The following THADA variants were observed in gnomAD, a reference collection of about 807,000 sequenced individuals.
THADA encodes THADA armadillo repeat containing.
THADA carries 213 observed loss-of-function variants against 219.8 expected under a neutral mutation model. The ratio of observed to expected loss-of-function variants is 0.97; its 90% confidence interval spans 0.87 to 1.09. THADA has a LOEUF of 1.09. Ranked by LOEUF, THADA falls within the 50% of genes least tolerant of loss-of-function variation. The pLI is 0.00. For missense variants in THADA, 2,956 were observed against 2,311.3 expected (o/e 1.28, Z -5.72); for synonymous variants, 1,018 against 828.9 (o/e 1.23, Z -3.92).
intron 30 of THADA, among the ~76,000 whole-genome samples, chr2:43,335,696 T>A (rs943469484): frequency 6.6e-6 from 1 of 151,644 alleles, no homozygotes; most frequent in African/African-American, 2.4e-5. Context: ...TGGTGGCTCA[T>A]GTCTGTAATG....
intron 18 of THADA, 25 bp from the exon 19 acceptor site, chr2:43,551,950 T>G (rs1558957633): frequency 6.3e-7 from 1 of 1,586,252 alleles, no homozygotes; most frequent in East Asian, 2.2e-5. Flanking sequence ...TTAGGGAAAT[T>G]TATACTAAAA....
At chr2:43,448,466 A>G (rs1363346376) in intron 26 of THADA, among the ~76,000 whole-genome samples, 1 of 151,182 alleles carries the variant, frequency 6.6e-6, no homozygotes, top group African/African-American at 2.4e-5. Flanking sequence ...GCAGGCAGCC[A>G]TTGTTGCAAC....
chr2:43,530,348 A>C (rs892469178), intron 21 of THADA, among the ~76,000 whole-genome samples: 6 of 152,334 alleles, frequency 3.9e-5, no homozygotes, highest in Non-Finnish European at 7.3e-5. Flanking sequence ...GTTTGAACAG[A>C]ATTATCAAGG....
intron 36 of THADA, among the ~76,000 whole-genome samples, chr2:43,244,072 G>C (rs1668884363): frequency 6.6e-6 from 1 of 151,984 alleles, no homozygotes; most frequent in South Asian, 2.1e-4. Flanking sequence ...TATTTTTAAA[G>C]TTAAAATAAC....
At position 43,527,869 on chromosome 2, in the gene THADA, T is replaced by C. The variant is rs192580285; in HGVS notation, c.3374+10A>G. On this transcript the variant is annotated intron_variant, in intron 22 of 37. Transcript: ENST00000405975. ...TTTTTAAAACGTACACAAAAGGATA[T>C]TTGTTTTACCTGTTTAGTACTTCAG... The C allele has an allele frequency of 3.1e-4, 487 of 1,570,340 alleles. 2 individuals are homozygous for C. Among genetic ancestry groups the C allele is most frequent in the Middle Eastern group, 2.0e-3 (12 of 5,932 alleles).
At chr2:43,499,252 A>G (rs975618941) in intron 24 of THADA, among the ~76,000 whole-genome samples, 1 of 152,196 alleles carries the variant, frequency 6.6e-6, no homozygotes, top group Non-Finnish European at 1.5e-5. Flanking sequence ...TGAAACATTT[A>G]TTTTCTAAAA....
chr2:43,498,932 T>C lies in THADA; in HGVS notation c.3645A>G (p.Arg1215=), dbSNP rs765436437. Residue 1215 remains arginine, a synonymous_variant, in exon 25 of 38, where the codon AGA becomes AGG. Transcript: ENST00000405975. ...VPQVHALNIL[R]ALFRDTRLGE... is the part of the protein sequence containing the mutation. Reference sequence around the variant, plus strand: ...CCAGGCGCGTATCTCTGAACAATGCTCTAAGGATATTTAAAGCATGAACCT... The same window carrying C: ...CCAGGCGCGTATCTCTGAACAATGCCCTAAGGATATTTAAAGCATGAACCT... The C allele has an allele frequency of 1.3e-6, 2 of 1,577,754 alleles. No homozygotes were observed. Among genetic ancestry groups the C allele is most frequent in the Non-Finnish European group, 1.7e-6 (2 of 1,161,192 alleles).
chr2:43,536,633 A>T (rs531172976), intron 21 of THADA, among the ~76,000 whole-genome samples: 1 of 152,266 alleles, frequency 6.6e-6, no homozygotes, highest in East Asian at 1.9e-4. Context: ...AAGAAGCTAC[A>T]TGCCATGTTT....
chr2:43,314,230 G>T (rs916738149), intron 31 of THADA, among the ~76,000 whole-genome samples: 1 of 152,080 alleles, frequency 6.6e-6, no homozygotes, highest in Non-Finnish European at 1.5e-5. Flanking sequence ...ATCTATGATT[G>T]CTATGTCATT....
intron 29 of THADA, among the ~76,000 whole-genome samples, chr2:43,391,457 A>G (rs2104693298): frequency 6.6e-6 from 1 of 152,332 alleles, no homozygotes; most frequent in East Asian, 1.9e-4. Flanking sequence ...ACAGACACCA[A>G]ATAAAAGCTT....
chr2:43,508,856 A>G, intron 22 of THADA, 76 bp from the exon 23 acceptor site: 1 of 1,395,308 alleles, frequency 7.2e-7, no homozygotes, highest in Non-Finnish European at 1.0e-6. Context: ...GCACATTTAC[A>G]CTGTTAGTAA....
rs769804145 is a variant in THADA at position 43,574,564 on chromosome 2, T to C, written c.1501A>G (p.Met501Val). The C allele has an allele frequency of 3.7e-6, 6 of 1,613,996 alleles. No homozygotes were observed. The highest frequency in any genetic ancestry group is 1.1e-5 in the South Asian group (1 of 91,080). ...VPYASDLLET[M>V]FRNHKSHLKS... ...AAATGACTCTTATGATTTCTAAACA[T>C]GGTTTCCAAGAGGTCACTTGCATAA... Residue 501 changes from methionine (M) to valine (V), a missense_variant, in exon 11 of 38, where the codon ATG (methionine) becomes GTG (valine). Physicochemically the swap from Met to Val is conservative, Grantham distance 21. Transcript: ENST00000405975.
At chr2:43,546,249 G>A (rs574426067) in intron 20 of THADA, among the ~76,000 whole-genome samples, 50 of 152,060 alleles carry the variant, frequency 3.3e-4, no homozygotes, top group African/African-American at 1.2e-3. Flanking sequence ...TTGTTATAAT[G>A]TCTGATCTTT....
At chr2:43,309,823 G>A (rs1677282761) in intron 31 of THADA, among the ~76,000 whole-genome samples, 1 of 152,100 alleles carries the variant, frequency 6.6e-6, no homozygotes, top group South Asian at 2.1e-4. Flanking sequence ...GAAAAAAGGA[G>A]TCCACAATAG....
intron 26 of THADA, among the ~76,000 whole-genome samples, chr2:43,443,371 A>G (rs762530563): frequency 3.9e-5 from 6 of 152,236 alleles, no homozygotes; most frequent in Non-Finnish European, 7.3e-5. Flanking sequence ...TGAGTTAATA[A>G]AATGAGTACC....
chr2:43,405,205 A>G (rs1466843690), intron 28 of THADA, among the ~76,000 whole-genome samples: 3 of 152,164 alleles, frequency 2.0e-5, no homozygotes, highest in Non-Finnish European at 4.4e-5. Flanking sequence ...TGTCGACTCT[A>G]CCGCTATTAT....
At chr2:43,463,874 C>A (rs1280282840) in intron 26 of THADA, among the ~76,000 whole-genome samples, 1 of 152,146 alleles carries the variant, frequency 6.6e-6, no homozygotes. Context: ...CAGACACAGG[C>A]ATGTGCTCCT....
At chr2:43,444,670 T>C (rs1208804170) in intron 26 of THADA, among the ~76,000 whole-genome samples, 2 of 151,964 alleles carry the variant, frequency 1.3e-5, no homozygotes, top group Non-Finnish European at 2.9e-5. Flanking sequence ...ACAAAAAGTA[T>C]ACCAGTGAAA....
rs148339627 is a variant in THADA, at chr2:43,280,796, C to T, written c.5165-900G>A. On this transcript the variant is annotated intron_variant, in intron 35 of 37. Coordinates refer to ENST00000405975, the MANE Select transcript of THADA (RefSeq NM_022065.5). Reference sequence around the variant, plus strand: ...AGTCAGCCTGTGCTAGGTGCTGCTGCGGACAATGAATAATAAAAGATAGTA... The same window carrying T: ...AGTCAGCCTGTGCTAGGTGCTGCTGTGGACAATGAATAATAAAAGATAGTA... 3.7e-3 allele frequency among the ~76,000 whole-genome samples: 564 copies of T among 152,268 alleles called. 6 individuals carry two copies. The highest frequency in any genetic ancestry group is 0.013 in the African/African-American group (527 of 41,550).
Sources: allele counts gnomAD v4.1 joint callset (sites outside exome capture counted in the v4.1 genomes callset), GRCh38; gene constraint gnomAD v4.1.1; transcripts MANE v1.5; gene names NCBI Gene and HGNC (gene_info 2026-07-23, HGNC 2026-07-21).